LRRTM4: variants seen among roughly 807,000 people sequenced by gnomAD.
LRRTM4 encodes leucine-rich repeat transmembrane neuronal protein 4.
A neutral mutation model predicts 47.6 loss-of-function variants in LRRTM4; 25 were observed. The ratio of observed to expected loss-of-function variants is 0.53; its 90% CI spans 0.38 to 0.73. The LOEUF is 0.73. LRRTM4 is among the 30% of genes least tolerant of loss of function. The pLI, the probability that LRRTM4 is intolerant of heterozygous loss-of-function variation, is 0.00. For missense variants in LRRTM4, 638 were observed against 713.4 expected, an observed-to-expected ratio of 0.89 and a Z score of 1.20; for synonymous variants, 311 against 269.5, an observed-to-expected ratio of 1.15 and a Z score of -1.51.
chr2:77,033,825 A>T (rs1678745878), intron 3 of LRRTM4, among the ~76,000 whole-genome samples: 1 of 151,848 alleles, frequency 6.6e-6, no homozygotes, highest in Non-Finnish European at 1.5e-5. Flanking sequence ...AATAAAAATA[A>T]TTAACTTATA....
At chr2:76,799,018 AG>A (rs1251830295) in intron 3 of LRRTM4, among the ~76,000 whole-genome samples, 1 of 150,326 alleles carries the variant, frequency 6.7e-6, no homozygotes, top group Non-Finnish European at 1.5e-5. Context: ...ATTCTACCAG[AG>A]GTATAAGGAG....
chr2:76,786,005 C>G (rs760122913), intron 3 of LRRTM4, among the ~76,000 whole-genome samples: 42 of 152,106 alleles, frequency 2.8e-4, no homozygotes, highest in Non-Finnish European at 4.9e-4. Flanking sequence ...CTCAATGATA[C>G]CTAGCTGCTC....
chr2:76,921,889 T>G (rs1674443886), intron 3 of LRRTM4, among the ~76,000 whole-genome samples: 1 of 152,236 alleles, frequency 6.6e-6, no homozygotes, highest in Non-Finnish European at 1.5e-5. Flanking sequence ...AATTAAGATC[T>G]GGGGTTCTGT....
At chr2:76,991,086 C>A (rs1676989968) in intron 3 of LRRTM4, among the ~76,000 whole-genome samples, 1 of 151,606 alleles carries the variant, frequency 6.6e-6, no homozygotes, top group South Asian at 2.1e-4. Context: ...AGAAAACATT[C>A]TTTGAAATAA....
chr2:77,100,596 T>A (rs1342986670), intron 3 of LRRTM4, among the ~76,000 whole-genome samples: 1 of 152,116 alleles, frequency 6.6e-6, no homozygotes, highest in Non-Finnish European at 1.5e-5. Context: ...AAAAGCCTCT[T>A]CACAAGTAGA....
intron 3 of LRRTM4, among the ~76,000 whole-genome samples, chr2:76,979,777 G>T (rs968246258): frequency 6.6e-6 from 1 of 151,822 alleles, no homozygotes. Flanking sequence ...ATTTGAAGAT[G>T]TTTCAGCTCA....
At chr2:76,869,233 C>T (rs1672554416) in intron 3 of LRRTM4, among the ~76,000 whole-genome samples, 1 of 151,464 alleles carries the variant, frequency 6.6e-6, no homozygotes, top group South Asian at 2.1e-4. Flanking sequence ...CGCTTGAACC[C>T]AGGAGGCAGA....
intron 3 of LRRTM4, among the ~76,000 whole-genome samples, chr2:77,429,935 A>C (rs971565983): frequency 1.3e-5 from 2 of 152,046 alleles, no homozygotes; most frequent in Non-Finnish European, 2.9e-5. Flanking sequence ...GCATGGTGGC[A>C]CATGCCTGTA....
At chr2:77,237,568 AT>A (rs1049438955) in intron 3 of LRRTM4, among the ~76,000 whole-genome samples, 51 of 151,948 alleles carry the variant, frequency 3.4e-4, no homozygotes, top group African/African-American at 1.2e-3. Flanking sequence ...TTCTGATTTG[AT>A]TTTAGTTATT....
chr2:77,283,211 A>G (rs1044816490), intron 3 of LRRTM4, among the ~76,000 whole-genome samples: 1 of 152,126 alleles, frequency 6.6e-6, no homozygotes, highest in Non-Finnish European at 1.5e-5. Flanking sequence ...CAAGTCTCCA[A>G]CAAACAAGAA....
At chr2:77,153,271 T>C (rs574641712) in intron 3 of LRRTM4, among the ~76,000 whole-genome samples, 10 of 152,276 alleles carry the variant, frequency 6.6e-5, no homozygotes, top group African/African-American at 2.2e-4. Flanking sequence ...AACTGTGTTG[T>C]CTGTAGATGT....
intron 3 of LRRTM4, among the ~76,000 whole-genome samples, chr2:77,427,862 G>A (rs1279628955): frequency 6.6e-6 from 1 of 152,216 alleles, no homozygotes; most frequent in East Asian, 1.9e-4. Context: ...GTGAGGAAGA[G>A]TAGCATAAAT....
intron 3 of LRRTM4, among the ~76,000 whole-genome samples, chr2:77,029,031 TCACA>T (rs201640727): frequency 1.0e-5 from 1 of 98,464 alleles, no homozygotes; most frequent in Non-Finnish European, 2.2e-5. Context: ...CGAGAGTCCA[TCACA>T]CACACACACA....
At chr2:77,303,783 T>C (rs1368020612) in intron 3 of LRRTM4, among the ~76,000 whole-genome samples, 2 of 152,202 alleles carry the variant, frequency 1.3e-5, no homozygotes, top group Admixed American at 6.5e-5. Flanking sequence ...ACAAATGACA[T>C]GATTTCCTTC....
At chr2:77,090,784 C>T (rs1340841443) in intron 3 of LRRTM4, among the ~76,000 whole-genome samples, 1 of 152,144 alleles carries the variant, frequency 6.6e-6, no homozygotes, top group Non-Finnish European at 1.5e-5. Flanking sequence ...CTCCCAGAGC[C>T]CCTGGAACTC....
Position 77,522,287 on chromosome 2 carries a change from G to C in LRRTM4, c.-326C>G. The C allele has an allele frequency of 1.8e-6, 1 of 552,260 alleles. No homozygotes were observed. The highest frequency in any genetic ancestry group is 3.2e-6 in the Non-Finnish European group (1 of 309,130). The allele number at this position is 552,260 out of a possible 1,614,324, so 34.2% of individuals were successfully genotyped here. On this transcript the variant is annotated 5_prime_UTR_variant, in exon 1 of 4. Coordinates refer to ENST00000409884, the MANE Select transcript of LRRTM4 (RefSeq NM_001134745.3). ...TTTAAAGTGTTTTGTAGCTGTGCTG[G>C]GAGGCAGCCCTTGTCTAATTCAGAA...
chr2:77,343,519 G>T (rs1441319355), intron 3 of LRRTM4, among the ~76,000 whole-genome samples: 1 of 151,688 alleles, frequency 6.6e-6, no homozygotes. Context: ...TTTAATTTTA[G>T]TCATATCTGG....
intron 3 of LRRTM4, among the ~76,000 whole-genome samples, chr2:77,327,379 G>A (rs755166719): frequency 6.6e-6 from 1 of 152,098 alleles, no homozygotes; most frequent in Non-Finnish European, 1.5e-5. Context: ...TACCACTTAC[G>A]TGGGCATAGA....
chr2:76,815,490 T>C (rs1342708512), intron 3 of LRRTM4, among the ~76,000 whole-genome samples: 5 of 152,110 alleles, frequency 3.3e-5, no homozygotes, highest in African/African-American at 9.7e-5. Flanking sequence ...TTAATATCTA[T>C]CAACTGGAAT....
Sources: gnomAD v4.1 joint callset for allele counts (sites outside exome capture counted in the v4.1 genomes callset) on GRCh38, gnomAD v4.1.1 for gene constraint, MANE v1.5 for transcripts, NCBI Gene and HGNC (gene_info 2026-07-23, HGNC 2026-07-21) for gene names.